TRRAP: variants seen among roughly 807,000 people sequenced by gnomAD.
TRRAP encodes the protein transformation/transcription domain associated protein.
Under a neutral mutation model 438.8 loss-of-function variants are expected in TRRAP, and 41 were observed. The observed-to-expected ratio is 0.09, with a 90% CI of 0.07 to 0.12. The LOEUF is 0.12. Among genes scored for constraint, TRRAP ranks in the 10% least tolerant of loss-of-function variants. The pLI, the probability that TRRAP is intolerant of heterozygous loss-of-function variation, is 1.00. For missense variants in TRRAP, 3,122 were observed against 5,055.1 expected (o/e 0.62, Z 11.60); for synonymous variants, 1,994 against 1,962.9 (o/e 1.02, Z -0.42).
intron 14 of TRRAP, among the ~76,000 whole-genome samples, chr7:98,909,788 G>A (rs1584297684): frequency 3.5e-5 from 1 of 28,898 alleles, no homozygotes; most frequent in Non-Finnish European, 9.6e-5. Context: ...GGAGTAAATC[G>A]GCACCTTTTC....
intron 4 of TRRAP, among the ~76,000 whole-genome samples, chr7:98,891,954 T>G (rs1213295066): frequency 6.6e-6 from 1 of 152,248 alleles, no homozygotes; most frequent in Non-Finnish European, 1.5e-5. Context: ...GACCTTTTAG[T>G]TGTCAGCTCC....
chr7:98,889,103 G>A (rs1217443289), intron 3 of TRRAP, among the ~76,000 whole-genome samples: 5 of 137,486 alleles, frequency 3.6e-5, no homozygotes, highest in South Asian at 4.5e-4. Context: ...GGCTGGCCTC[G>A]AATTCCTGGG....
Position 98,956,674 on chromosome 7 carries a change from A to C in TRRAP, c.6231+141A>C. The C allele has an allele frequency of 7.3e-7, 1 of 1,374,756 alleles. No homozygotes were observed. The highest frequency in any genetic ancestry group is 1.5e-5 in the South Asian group (1 of 68,648). The allele number at this position is 1,374,756 out of a possible 1,614,324, so 85.2% of individuals were successfully genotyped here. ...GAACAGCCACGGTCACCAGATTGAA[A>C]CTCCAGGACATGTCACTCATGCAAG... On this transcript the variant is annotated intron_variant, in intron 43 of 72. Transcript: ENST00000456197. The surrounding 1 kb of genome is among the most constrained non-coding windows in gnomAD (Gnocchi z 4.5).
chr7:98,881,014 C>T (rs1795403633), intron 1 of TRRAP, 76 bp from the exon 2 acceptor site: 2 of 560,390 alleles, frequency 3.6e-6, no homozygotes, highest in Non-Finnish European at 6.0e-6. Flanking sequence ...TTATGTAGGC[C>T]TTTAGGTAAG....
At chr7:98,998,517 C>G in intron 67 of TRRAP, 1 of 189,154 alleles carries the variant, frequency 5.3e-6, no homozygotes, top group Non-Finnish European at 1.2e-5. Context: ...ACTTCCATAG[C>G]TCGAGCAGTA....
chr7:98,933,403 G>A lies in TRRAP; in HGVS notation c.4014+1G>A. 1 of 1,612,578 alleles carries A rather than the reference G, an allele frequency of 6.2e-7. No individual in the cohort carries two copies. The highest frequency in any genetic ancestry group is 1.3e-5 in the African/African-American group (1 of 75,002). On this transcript the variant is annotated splice_donor_variant, in intron 27 of 72. Coordinates refer to ENST00000456197, the MANE Select transcript of TRRAP (RefSeq NM_001375524.1). LOFTEE classifies it high-confidence loss of function. ...GGAGCATAAGGTGTTCTACACAGAG[G>A]TAGGGGGGTGGTGGTGCGGAGTGGT...
chr7:98,965,102 C>T (rs986012999), intron 48 of TRRAP, among the ~76,000 whole-genome samples: 2 of 152,246 alleles, frequency 1.3e-5, no homozygotes, highest in Non-Finnish European at 2.9e-5. Flanking sequence ...ACTCAGTCTG[C>T]AACAGATTGA....
rs376274367 is a variant in TRRAP, at chr7:98,953,470, G to A, written c.5730+37G>A. On this transcript the variant is annotated intron_variant, in intron 40 of 72. Transcript: ENST00000456197. ...GCCCCTCCTGTCCGCCGACATCAGC[G>A]TGAATCTCACATGGTGCACTTGGCT... 421 of 1,596,824 alleles carry A rather than the reference G, an allele frequency of 2.6e-4. 1 individual carries two copies. The highest frequency in any genetic ancestry group is 3.3e-4 in the Non-Finnish European group (385 of 1,175,934).
intron 11 of TRRAP, among the ~76,000 whole-genome samples, chr7:98,901,848 A>G (rs1208532477): frequency 2.0e-5 from 3 of 152,238 alleles, no homozygotes; most frequent in Admixed American, 2.0e-4. Context: ...GCCTAAAAAC[A>G]GCGTTATTGA....
intron 69 of TRRAP, among the ~76,000 whole-genome samples, chr7:99,007,404 A>G (rs1001547562): frequency 1.3e-5 from 2 of 151,964 alleles, no homozygotes; most frequent in South Asian, 4.2e-4. Flanking sequence ...GCTGGAGTGC[A>G]GTGGCGCAAT....
Position 99,012,259 on chromosome 7 carries a change from C to T in TRRAP, c.11526C>T (p.Phe3842=), listed in dbSNP as rs200231900. The change falls in exon 73 of 73, where the codon TTC becomes TTT. Residue 3842 remains phenylalanine, a synonymous_variant. Transcript: ENST00000456197. The surrounding 1 kb of genome is among the most constrained non-coding windows in gnomAD (Gnocchi z 5.9). The stretch of plus-strand genomic sequence containing the variant: ...CCCGCCTGCACAACCTCGCCCAGTT[C>T]GAAGGCGGGGAAAGCAAGGTGAACA... ...IMTRLHNLAQ[F]EGGESKVNTL... 29 of 1,613,870 alleles carry T rather than the reference C, an allele frequency of 1.8e-5. No homozygotes were observed. Among genetic ancestry groups the T allele is most frequent in the East Asian group, 1.6e-4 (7 of 44,870 alleles).
Position 99,005,775 on chromosome 7 carries a change from CA to C in TRRAP, c.10753+431del, listed in dbSNP as rs1794135607. 6.6e-6 allele frequency among the ~76,000 whole-genome samples: 1 copy of C among 152,038 alleles called. No individual in the cohort carries two copies. Among genetic ancestry groups the C allele is most frequent in the South Asian group, 2.1e-4 (1 of 4,802 alleles). Reference sequence around the variant, plus strand: ...TTCTTCCAATGTGGCCCAGGGAAGCCAAAAGATTGGACATCCCTGTTCTAAG... The same window carrying C: ...TTCTTCCAATGTGGCCCAGGGAAGCCAAAGATTGGACATCCCTGTTCTAAG... On this transcript the variant is annotated intron_variant, in intron 69 of 72. Coordinates refer to ENST00000456197, the MANE Select transcript of TRRAP (RefSeq NM_001375524.1). The surrounding 1 kb of genome is among the most constrained non-coding windows in gnomAD (Gnocchi z 5.1).
intron 3 of TRRAP, among the ~76,000 whole-genome samples, chr7:98,889,386 A>C (rs571325566): frequency 1.3e-5 from 2 of 152,118 alleles, no homozygotes; most frequent in Non-Finnish European, 2.9e-5. Context: ...AACTTTGCAT[A>C]TATTAACTCA....
intron 38 of TRRAP, among the ~76,000 whole-genome samples, chr7:98,950,636 GT>G (rs1263825591): frequency 1.3e-5 from 2 of 152,198 alleles, no homozygotes; most frequent in African/African-American, 4.8e-5. Flanking sequence ...TAATTGCCTT[GT>G]TTTTAGAAAA....
intron 68 of TRRAP, among the ~76,000 whole-genome samples, chr7:99,004,647 C>T (rs1389364819): frequency 2.0e-5 from 3 of 152,184 alleles, no homozygotes; most frequent in African/African-American, 7.2e-5. Context: ...GACCTTCTTC[C>T]GAGTCACCAT....
At chr7:98,961,536 A>G (rs1199959776) in intron 46 of TRRAP, 62 bp downstream of exon 46, 7 of 1,576,758 alleles carry the variant, frequency 4.4e-6, no homozygotes, top group South Asian at 3.3e-5. Context: ...GGAGCTTGCT[A>G]TGAGAGCGCT....
intron 62 of TRRAP, among the ~76,000 whole-genome samples, chr7:98,988,008 T>A (rs1050396093): frequency 1.3e-5 from 2 of 152,224 alleles, no homozygotes; most frequent in African/African-American, 4.8e-5. Flanking sequence ...CTTTTTTGTT[T>A]TCTGTGTTGA....
intron 67 of TRRAP, among the ~76,000 whole-genome samples, chr7:99,003,626 G>A (rs938063265): frequency 6.6e-6 from 1 of 152,224 alleles, no homozygotes; most frequent in African/African-American, 2.4e-5. Context: ...GGGCCTGTGG[G>A]GTTGGGGATG....
At chr7:98,972,902 T>G (rs1279043207) in intron 53 of TRRAP, among the ~76,000 whole-genome samples, 1 of 152,168 alleles carries the variant, frequency 6.6e-6, no homozygotes, top group Non-Finnish European at 1.5e-5. Context: ...TGCTTTTCTG[T>G]GGGATGGAGC....
Sources: gnomAD v4.1 joint callset for allele counts (sites outside exome capture counted in the v4.1 genomes callset) on GRCh38, gnomAD v4.1.1 for gene constraint, Gnocchi (gnomAD v3.1) non-coding constraint, MANE v1.5 for transcripts, NCBI Gene and HGNC (gene_info 2026-07-23, HGNC 2026-07-21) for gene names.